Variants in KRIT1 observed in about 807,000 individuals in gnomAD.
The protein encoded by KRIT1 is krev interaction trapped protein 1.
Under a neutral mutation model 95.8 loss-of-function variants are expected in KRIT1, and 45 were observed. The ratio of observed to expected loss-of-function variants is 0.47; its 90% CI spans 0.37 to 0.60. KRIT1 has a LOEUF of 0.60. Among genes scored for constraint, KRIT1 ranks in the 20% least tolerant of loss-of-function variants. The probability of loss-of-function intolerance (pLI) is 0.00; values close to 1 mark genes in which losing one functional copy is unlikely to be tolerated. For synonymous variants in KRIT1, 282 were observed against 278.8 expected (o/e 1.01, Z -0.11); for missense variants, 788 against 877.5 (o/e 0.90, Z 1.29).
intron 10 of KRIT1, among the ~76,000 whole-genome samples, chr7:92,233,669 T>C (rs1422073009): frequency 6.6e-6 from 1 of 152,134 alleles, no homozygotes; most frequent in Admixed American, 6.5e-5. Flanking sequence ...CCTCCCAAAG[T>C]GCTGGGATTA....
At chr7:92,226,830 G>C (rs1360122946) in intron 10 of KRIT1, 148 bp from the exon 11 acceptor site, 1 of 690,782 alleles carries the variant, frequency 1.4e-6, no homozygotes, top group Non-Finnish European at 2.5e-6. Context: ...GGATTATTAA[G>C]ATACTGACAT....
intron 17 of KRIT1, chr7:92,202,255 A>G (rs1416419470): frequency 6.6e-6 from 1 of 152,228 alleles, no homozygotes; most frequent in African/African-American, 2.4e-5. Flanking sequence ...AAGGATAGTC[A>G]AGTGAAGCAG....
rs1368868722 is a variant in KRIT1 at position 92,235,892 on chromosome 7, A to G, written c.486-246T>C. On this transcript the variant is annotated intron_variant, in intron 7 of 18. Coordinates refer to ENST00000394505, the MANE Select transcript of KRIT1 (RefSeq NM_194454.3). ...GGGGCACATGTGATAATATGTTCAT[A>G]TGATCTATAAAGATCAAGTCAGTAT... 7 of 383,344 alleles carry G rather than the reference A, an allele frequency of 1.8e-5. No homozygotes were observed. In the East Asian group the frequency reaches 3.8e-4, roughly 21 times the overall value. The allele number at this position is 383,344 out of a possible 1,614,324, so 23.7% of individuals were successfully genotyped here.
chr7:92,228,147 G>A (rs193242506), intron 10 of KRIT1, among the ~76,000 whole-genome samples: 127 of 152,318 alleles, frequency 8.3e-4, no homozygotes, highest in Non-Finnish European at 1.6e-3. Context: ...GGGCCACCAT[G>A]CCCAGCCTGA....
chr7:92,235,282 G>A, intron 8 of KRIT1, 121 bp downstream of exon 8: 3 of 1,016,358 alleles, frequency 3.0e-6, no homozygotes, highest in Non-Finnish European at 3.0e-6. Context: ...TTACAGGCGT[G>A]AGCCACTGTA....
At chr7:92,241,191 A>G (rs746572551) in intron 4 of KRIT1, 39 bp from the exon 5 acceptor site, 7 of 1,445,934 alleles carry the variant, frequency 4.8e-6, no homozygotes, top group Non-Finnish European at 6.8e-6. Context: ...CTTAAAATAA[A>G]GTCTACTTGC....
chr7:92,208,623 A>C (rs1180098596), intron 17 of KRIT1, among the ~76,000 whole-genome samples: 1 of 152,158 alleles, frequency 6.6e-6, no homozygotes, highest in African/African-American at 2.4e-5. Flanking sequence ...GAAAAAGATA[A>C]ATTCCTGGAC....
At chr7:92,240,617 C>T (rs1799409884) in intron 5 of KRIT1, among the ~76,000 whole-genome samples, 1 of 152,066 alleles carries the variant, frequency 6.6e-6, no homozygotes, top group Admixed American at 6.6e-5. Context: ...GGAAGAAAAC[C>T]TCTGCTACTT....
intron 2 of KRIT1, among the ~76,000 whole-genome samples, chr7:92,244,360 C>G (rs867671869): frequency 6.6e-6 from 1 of 152,288 alleles, no homozygotes; most frequent in South Asian, 2.1e-4. Flanking sequence ...CAATACTCAT[C>G]ACTTCTCTAG....
At chr7:92,207,631 T>C (rs934131485) in intron 17 of KRIT1, among the ~76,000 whole-genome samples, 15 of 152,110 alleles carry the variant, frequency 9.9e-5, no homozygotes, top group Admixed American at 7.2e-4. Context: ...CCGAGGTGGT[T>C]GGATCACCTG....
intron 5 of KRIT1, chr7:92,240,783 T>C: frequency 1.7e-6 from 1 of 576,436 alleles, no homozygotes; most frequent in Admixed American, 3.0e-5. Context: ...CATTGTGAAT[T>C]CTTTAAATAC....
At chr7:92,221,458 T>C (rs1795124380) in intron 14 of KRIT1, among the ~76,000 whole-genome samples, 1 of 152,140 alleles carries the variant, frequency 6.6e-6, no homozygotes, top group South Asian at 2.1e-4. Flanking sequence ...GAGCCACTTA[T>C]GGACTGTTGA....
intron 13 of KRIT1, 49 bp downstream of exon 13, chr7:92,222,773 C>G (rs1370005945): frequency 2.5e-6 from 3 of 1,188,352 alleles, no homozygotes; most frequent in Non-Finnish European, 3.8e-6. Flanking sequence ...CAACCCACTC[C>G]CAAAAAGGAA....
intron 10 of KRIT1, among the ~76,000 whole-genome samples, chr7:92,232,433 A>C (rs1797495098): frequency 6.6e-6 from 1 of 152,020 alleles, no homozygotes; most frequent in Non-Finnish European, 1.5e-5. Flanking sequence ...ACATAGGTAC[A>C]TTCCAAAGCA....
chr7:92,220,000 C>A (rs1794801722), intron 14 of KRIT1, among the ~76,000 whole-genome samples: 1 of 152,190 alleles, frequency 6.6e-6, no homozygotes, highest in South Asian at 2.1e-4. Context: ...AATTTAGTAG[C>A]TCTAGCTTTC....
At chr7:92,218,405 T>TA (rs1234972448) in intron 14 of KRIT1, among the ~76,000 whole-genome samples, 1 of 150,334 alleles carries the variant, frequency 6.7e-6, no homozygotes, top group African/African-American at 2.5e-5. Flanking sequence ...TTTTTTGAGA[T>TA]AGTCTTGCTC....
chr7:92,205,144 C>T (rs928846175), intron 17 of KRIT1, among the ~76,000 whole-genome samples: 2 of 152,066 alleles, frequency 1.3e-5, no homozygotes, highest in African/African-American at 4.8e-5. Flanking sequence ...GTCAGGTGTT[C>T]GAGACTGGCC....
At chr7:92,206,447 T>C (rs1791508016) in intron 17 of KRIT1, 2 of 152,276 alleles carry the variant, frequency 1.3e-5, no homozygotes, top group Admixed American at 6.6e-5. Context: ...TCTAAGCCAC[T>C]GAGGGACTCT....
intron 6 of KRIT1, 94 bp from the exon 7 acceptor site, chr7:92,236,636 T>C: frequency 1.2e-6 from 1 of 867,456 alleles, no homozygotes; most frequent in African/African-American, 1.7e-5. Flanking sequence ...TGAAAACTTG[T>C]TAAGTATAAA....
Sources: gnomAD v4.1 joint callset for allele counts (sites outside exome capture counted in the v4.1 genomes callset) on GRCh38, gnomAD v4.1.1 for gene constraint, MANE v1.5 for transcripts, NCBI Gene and HGNC (gene_info 2026-07-23, HGNC 2026-07-21) for gene names.